The following CLIP1 variants were observed in gnomAD, a reference collection of about 807,000 sequenced individuals.
The protein encoded by CLIP1 is CAP-Gly domain containing linker protein 1.
CLIP1 carries 66 observed loss-of-function variants against 161.6 expected under a neutral mutation model. The ratio of observed to expected loss-of-function variants is 0.41; its 90% CI spans 0.33 to 0.50. The LOEUF (loss-of-function observed/expected upper bound fraction) is 0.50. Among genes scored for constraint, CLIP1 ranks in the 20% least tolerant of loss-of-function variants. The pLI is 0.27. For synonymous variants in CLIP1, 598 were observed against 626.2 expected, an observed-to-expected ratio of 0.96 and a Z score of 0.67; for missense variants, 1,376 against 1,702.0, an observed-to-expected ratio of 0.81 and a Z score of 3.37.
Position 122,323,225 on chromosome 12 carries a change from T to A in CLIP1, c.3250-3877A>T, listed in dbSNP as rs753190253. 11 of 152,626 alleles carry A rather than the reference T, an allele frequency of 7.2e-5. No homozygotes were observed. Among genetic ancestry groups the A allele is most frequent in the Non-Finnish European group, 1.0e-4 (7 of 68,040 alleles). 9.5% of individuals were successfully genotyped at this position (152,626 alleles called of 1,614,324 possible). ...TTCAGTCATTTTCTGAGAAGCCATCTCCTTCTCGGAAGTCAGGTAAGTGAT... is the reference window on the plus strand; with the variant it reads ...TTCAGTCATTTTCTGAGAAGCCATCACCTTCTCGGAAGTCAGGTAAGTGAT... On this transcript the variant is annotated intron_variant, in intron 17 of 25. Transcript: ENST00000620786. This position sits in a 1 kb window ranked among gnomAD's most constrained non-coding sequence, Gnocchi z 4.1.
chr12:122,374,343 G>A (rs1207254269), intron 3 of CLIP1, among the ~76,000 whole-genome samples: 5 of 150,194 alleles, frequency 3.3e-5, no homozygotes, highest in African/African-American at 9.8e-5. Context: ...AATAGCGGCC[G>A]GGCGCAGTGG....
chr12:122,328,945 T>C (rs145465302), intron 15 of CLIP1, among the ~76,000 whole-genome samples: 32 of 152,326 alleles, frequency 2.1e-4, no homozygotes, highest in African/African-American at 7.2e-4. Flanking sequence ...CACAAATACA[T>C]TATTTAGAGT....
intron 2 of CLIP1, among the ~76,000 whole-genome samples, 173 bp from the exon 3 acceptor site, chr12:122,378,133 C>G (rs374985360): frequency 1.3e-5 from 2 of 152,186 alleles, no homozygotes; most frequent in Non-Finnish European, 1.5e-5. Context: ...GTCGCCCAGG[C>G]TAGAATGCAG....
intron 3 of CLIP1, among the ~76,000 whole-genome samples, chr12:122,373,414 ACT>A (rs1416975053): frequency 6.7e-6 from 1 of 148,236 alleles, no homozygotes; most frequent in Admixed American, 6.8e-5. Context: ...ACAGAGTGAG[ACT>A]CTGTCTCAAA....
intron 15 of CLIP1, among the ~76,000 whole-genome samples, chr12:122,330,597 G>GTTTTTTTTTTTTTGTTTT (rs1555265518): frequency 1.1e-3 from 108 of 101,326 alleles, no homozygotes; most frequent in African/African-American, 4.3e-3. Flanking sequence ...GTATAATGCA[G>GTTTTTTTTTTTTTGTTTT]TTTTTTTTTT....
Position 122,410,828 on chromosome 12 carries a change from C to T in CLIP1, c.-107+11693G>A, listed in dbSNP as rs116920049. Among the ~76,000 whole-genome samples the T allele has an allele frequency of 5.0e-3, 766 of 152,182 alleles. 8 individuals carry two copies. Among genetic ancestry groups the T allele is most frequent in the Non-Finnish European group, 7.6e-3 (520 of 68,014 alleles). On this transcript the variant is annotated intron_variant, in intron 1 of 25. Transcript: ENST00000620786. The stretch of plus-strand genomic sequence containing the variant: ...TGTTTCTCCAAAGAAGCTATACAAA[C>T]GGCCAATAAGCACATGAAAGGATGT...
At chr12:122,324,094 A>T (rs543678628) in intron 17 of CLIP1, 25 of 152,616 alleles carry the variant, frequency 1.6e-4, no homozygotes, top group Non-Finnish European at 3.2e-4. Flanking sequence ...AAGCTTCTTT[A>T]TTGAGATGTT....
upstream of CLIP1, chr12:122,422,720 GC>G (rs1957002224): frequency 1.1e-5 from 1 of 92,230 alleles, no homozygotes; most frequent in Non-Finnish European, 2.8e-5. Flanking sequence ...CGCCGCGCCC[GC>G]CCGGCCGGCC....
Position 122,422,391 on chromosome 12 carries a change from C to T in CLIP1, c.-107+130G>A, listed in dbSNP as rs924606310. 3.3e-5 allele frequency: 5 copies of T among 151,676 alleles called. 1 individual carries two copies. The highest frequency in any genetic ancestry group is 3.0e-5 in the Non-Finnish European group (2 of 67,774). 9.4% of individuals were successfully genotyped at this position (151,676 alleles called of 1,614,324 possible). ...TCCCGGACGGCTCCGGCGCGCGAGG[C>T]TCGGCCCCGCTCCCGGACGCCGGGC... On this transcript the variant is annotated intron_variant, in intron 1 of 25. Transcript: ENST00000620786.
intron 19 of CLIP1, among the ~76,000 whole-genome samples, chr12:122,313,305 C>G (rs969770071): frequency 6.6e-6 from 1 of 152,176 alleles, no homozygotes; most frequent in Non-Finnish European, 1.5e-5. Context: ...GATCAGAGGT[C>G]TGGGGAGTAC....
chr12:122,365,899 C>T (rs1444005927), intron 3 of CLIP1, among the ~76,000 whole-genome samples: 6 of 152,100 alleles, frequency 3.9e-5, no homozygotes, highest in Admixed American at 6.6e-5. Context: ...GGTCCCACTC[C>T]TCAGGAAGCT....
intron 24 of CLIP1, 138 bp downstream of exon 24, chr12:122,278,011 TTAATG>T: frequency 1.4e-6 from 1 of 736,000 alleles, no homozygotes; most frequent in East Asian, 2.5e-5. Context: ...TTAATTCTGT[TTAATG>T]TTTGGACTAG....
intron 20 of CLIP1, among the ~76,000 whole-genome samples, chr12:122,301,443 AGTCCTGACCTTCAGG>A (rs1157309433): frequency 6.6e-6 from 1 of 152,182 alleles, no homozygotes; most frequent in African/African-American, 2.4e-5. Context: ...GGCCGAGGCG[AGTCCTGACCTTCAGG>A]AGGTCAGGAT....
At chr12:122,298,134 G>A (rs1158316089) in intron 20 of CLIP1, among the ~76,000 whole-genome samples, 4 of 152,084 alleles carry the variant, frequency 2.6e-5, no homozygotes, top group African/African-American at 2.4e-5. Context: ...GAGCTGCCCC[G>A]AGAGCATACT....
chr12:122,357,672 G>C lies in CLIP1; in HGVS notation c.1006-2360C>G, dbSNP rs550332910. ...GCCCCTCTGCCCGGCCAGCCGCCCC[G>C]TCCGGGAGGGAGATGGGGGGGTCAG... On this transcript the variant is annotated intron_variant, in intron 5 of 25. Coordinates refer to ENST00000620786, the MANE Select transcript of CLIP1 (RefSeq NM_001247997.2). 4.5e-3 allele frequency among the ~76,000 whole-genome samples: 625 copies of C among 137,416 alleles called. 5 individuals are homozygous for C. Among genetic ancestry groups the C allele is most frequent in the Non-Finnish European group, 6.9e-3 (441 of 63,744 alleles). The allele number at this position is 137,416 out of a possible 152,430, so 90.2% of individuals were successfully genotyped here. A position where few individuals can be genotyped will look rare whatever the true frequency, so the allele number is the denominator to read the frequency against.
chr12:122,315,135 T>C (rs1361777508), intron 19 of CLIP1, among the ~76,000 whole-genome samples: 1 of 152,176 alleles, frequency 6.6e-6, no homozygotes, highest in Non-Finnish European at 1.5e-5. Flanking sequence ...GCTAGCTTAA[T>C]CCAAGCTCAA....
intron 1 of CLIP1, among the ~76,000 whole-genome samples, chr12:122,406,172 C>G (rs1203823803): frequency 6.6e-6 from 1 of 152,052 alleles, no homozygotes; most frequent in Middle Eastern, 3.2e-3. Flanking sequence ...CCGGCCAGCT[C>G]AGTGGCTCAC....
Position 122,357,346 on chromosome 12 carries a change from G to A in CLIP1, c.1006-2034C>T, listed in dbSNP as rs577792397. ...CCGGCCGCCCCGTCTGAGAAGAGAG[G>A]AGACCCTCCGCCTGGCAACCGCCCC... On this transcript the variant is annotated intron_variant, in intron 5 of 25. Transcript: ENST00000620786. Among the ~76,000 whole-genome samples the A allele has an allele frequency of 7.1e-4, 108 of 151,534 alleles. 1 individual carries two copies. Among genetic ancestry groups the A allele is most frequent in the Admixed American group, 1.4e-3 (22 of 15,258 alleles).
intron 19 of CLIP1, among the ~76,000 whole-genome samples, chr12:122,316,135 T>G (rs1292114326): frequency 1.3e-5 from 2 of 151,610 alleles, no homozygotes; most frequent in Non-Finnish European, 2.9e-5. Flanking sequence ...GGAGGATCAC[T>G]TGAGGTCGGA....
Sources: gnomAD v4.1 joint callset for allele counts (sites outside exome capture counted in the v4.1 genomes callset) on GRCh38, gnomAD v4.1.1 for gene constraint, Gnocchi (gnomAD v3.1) non-coding constraint, MANE v1.5 for transcripts, NCBI Gene and HGNC (gene_info 2026-07-23, HGNC 2026-07-21) for gene names.